The following LIMCH1 variants were observed in gnomAD, a reference collection of about 807,000 sequenced individuals.
LIMCH1 encodes the protein LIM and calponin homology domains 1.
Under a neutral mutation model 176.5 loss-of-function variants are expected in LIMCH1, and 113 were observed. The observed-to-expected ratio is 0.64, with a 90% CI of 0.55 to 0.75. The LOEUF (loss-of-function observed/expected upper bound fraction) is 0.75. LIMCH1 is among the 30% of genes least tolerant of loss of function. The pLI is 0.00. For synonymous variants in LIMCH1, 619 were observed against 645.9 expected (o/e 0.96, Z 0.63); for missense variants, 1,674 against 1,814.9 (o/e 0.92, Z 1.41).
intron 1 of LIMCH1, among the ~76,000 whole-genome samples, chr4:41,492,171 C>T (rs891887434): frequency 5.3e-5 from 8 of 152,188 alleles, no homozygotes; most frequent in Non-Finnish European, 8.8e-5. Context: ...GAGGCCGAGG[C>T]GGGCAGATCA....
At chr4:41,676,497 T>C in intron 23 of LIMCH1, 35 bp downstream of exon 23, 12 of 1,470,842 alleles carry the variant, frequency 8.2e-6, no homozygotes, top group Non-Finnish European at 1.0e-5. Flanking sequence ...TTGTTTTTCC[T>C]TTTTTGTCCT....
intron 4 of LIMCH1, among the ~76,000 whole-genome samples, chr4:41,608,516 CA>C (rs1419773987): frequency 6.6e-6 from 1 of 152,122 alleles, no homozygotes; most frequent in East Asian, 1.9e-4. Flanking sequence ...AGATTATCCA[CA>C]AATTTTTATA....
intron 17 of LIMCH1, 117 bp from the exon 18 acceptor site, chr4:41,650,276 C>G (rs2289338): frequency 0.46 from 331,803 of 723,622 alleles, 80,845 homozygotes; most frequent in African/African-American, 0.75. Context: ...CCTCTTCCTT[C>G]ATTGGACTCT....
chr4:41,593,972 T>A (rs967654204), intron 1 of LIMCH1, among the ~76,000 whole-genome samples: 15 of 148,840 alleles, frequency 1.0e-4, no homozygotes, highest in Admixed American at 8.5e-4. Flanking sequence ...AACATATATA[T>A]ACATGCATAC....
chr4:41,536,424 C>T (rs1219838440), upstream of LIMCH1, among the ~76,000 whole-genome samples: 3 of 152,122 alleles, frequency 2.0e-5, no homozygotes, highest in Admixed American at 6.5e-5. Flanking sequence ...AAATTAATTC[C>T]TCTCTGTCGC....
chr4:41,613,243 A>C (rs2091673542), intron 4 of LIMCH1: 2 of 898,006 alleles, frequency 2.2e-6, no homozygotes, highest in East Asian at 2.6e-5. Flanking sequence ...TTTTTTTAAA[A>C]AAAACGTTGT....
intron 19 of LIMCH1, among the ~76,000 whole-genome samples, chr4:41,662,317 A>T (rs1481057506): frequency 6.6e-6 from 1 of 152,188 alleles, no homozygotes; most frequent in African/African-American, 2.4e-5. Flanking sequence ...TTCTTTATGT[A>T]TCAGAGAACA....
Position 41,598,928 on chromosome 4 carries a change from T to C in LIMCH1, c.-232T>C, listed in dbSNP as rs770296221. On this transcript the variant is annotated 5_prime_UTR_variant, in exon 2 of 32. Coordinates refer to ENST00000503057, the MANE Select transcript of LIMCH1 (RefSeq NM_001330672.2). The stretch of plus-strand genomic sequence containing the variant: ...TCTTTTTTTCCTTCTAGGACAATAT[T>C]ATCTTATTCTTGAGAGGTTGTAAAG... The C allele has an allele frequency of 6.3e-7, 1 of 1,599,154 alleles. No homozygotes were observed. Among genetic ancestry groups the C allele is most frequent in the Non-Finnish European group, 8.6e-7 (1 of 1,166,990 alleles).
intron 7 of LIMCH1, among the ~76,000 whole-genome samples, chr4:41,625,065 A>G (rs1464228056): frequency 6.6e-6 from 1 of 152,132 alleles, no homozygotes; most frequent in Non-Finnish European, 1.5e-5. Context: ...GGACAAAATA[A>G]AAGTGCCAAA....
chr4:41,658,942 G>T (rs1338104026), intron 18 of LIMCH1, among the ~76,000 whole-genome samples: 2 of 152,134 alleles, frequency 1.3e-5, no homozygotes, highest in Non-Finnish European at 2.9e-5. Context: ...GGAAGGGGAA[G>T]CTAAAAATCA....
chr4:41,652,461 A>G (rs552493287), intron 18 of LIMCH1, among the ~76,000 whole-genome samples: 7 of 152,292 alleles, frequency 4.6e-5, no homozygotes, highest in South Asian at 4.1e-4. Flanking sequence ...TGTCATTTGC[A>G]TACGTCTTAC....
chr4:41,399,491 C>T (rs935488595), intron 1 of LIMCH1, among the ~76,000 whole-genome samples: 2 of 152,086 alleles, frequency 1.3e-5, no homozygotes, highest in African/African-American at 4.8e-5. Flanking sequence ...TTATGAAGAT[C>T]TTACACATGT....
At chr4:41,494,054 A>G (rs2071574700) in intron 1 of LIMCH1, among the ~76,000 whole-genome samples, 1 of 152,098 alleles carries the variant, frequency 6.6e-6, no homozygotes, top group Non-Finnish European at 1.5e-5. Context: ...GATCCTCTGG[A>G]TGAAAGAGAC....
chr4:41,423,132 A>G (rs1044279464), intron 1 of LIMCH1, among the ~76,000 whole-genome samples: 6 of 152,176 alleles, frequency 3.9e-5, no homozygotes, highest in Non-Finnish European at 7.3e-5. Context: ...TGAGGGGACT[A>G]CTGTGAAGGC....
chr4:41,547,470 C>T (rs1387732989), intron 1 of LIMCH1, among the ~76,000 whole-genome samples: 1 of 151,092 alleles, frequency 6.6e-6, no homozygotes, highest in Non-Finnish European at 1.5e-5. Context: ...CAGCTTCATC[C>T]CCTGTCTTAG....
intron 2 of LIMCH1, among the ~76,000 whole-genome samples, chr4:41,511,362 A>G (rs548278692): frequency 6.6e-6 from 1 of 152,300 alleles, no homozygotes; most frequent in South Asian, 2.1e-4. Flanking sequence ...CCACCACAAC[A>G]TCCCCAGTGC....
intron 13 of LIMCH1, among the ~76,000 whole-genome samples, chr4:41,638,656 T>C (rs2093695466): frequency 6.6e-6 from 1 of 152,240 alleles, no homozygotes; most frequent in African/African-American, 2.4e-5. Context: ...GTGTTTATAT[T>C]GAACAGATTC....
At chr4:41,628,675 T>G (rs1339468932) in intron 8 of LIMCH1, among the ~76,000 whole-genome samples, 1 of 152,224 alleles carries the variant, frequency 6.6e-6, no homozygotes, top group Non-Finnish European at 1.5e-5. Flanking sequence ...AGAAATAGAC[T>G]TTTAATGGAA....
At position 41,629,500 on chromosome 4, in the gene LIMCH1, G is replaced by C; in HGVS notation, c.1037G>C (p.Gly346Ala). The change falls in exon 9 of 32, where the codon GGC becomes GCC. Residue 346 changes from glycine (G) to alanine (A), a missense_variant. Transcript: ENST00000503057. ...KRSLEYKRNQ[G>A]HTEEVKLIVT... ...CCGGATCAAATGGACAGAAACCAGG[G>C]CCACACAGAAGAGGTGAAGTTGATA... 1 of 1,535,994 alleles carries C rather than the reference G, an allele frequency of 6.5e-7. No homozygotes were observed. The highest frequency in any genetic ancestry group is 8.7e-7 in the Non-Finnish European group (1 of 1,146,874).
Sources: allele counts gnomAD v4.1 joint callset (sites outside exome capture counted in the v4.1 genomes callset), GRCh38; gene constraint gnomAD v4.1.1; transcripts MANE v1.5; gene names NCBI Gene and HGNC (gene_info 2026-07-23, HGNC 2026-07-21).